ITSN1: variants seen among roughly 807,000 people sequenced by gnomAD.
ITSN1 encodes intersectin-1.
ITSN1 carries 58 observed loss-of-function variants against 239.8 expected under a neutral mutation model. That is an observed-to-expected ratio of 0.24 (90% CI 0.20 to 0.30). The LOEUF is 0.30. Ranked by LOEUF, ITSN1 falls within the 10% of genes least tolerant of loss-of-function variation. ITSN1 has a pLI of 1.00. For synonymous variants in ITSN1, 780 were observed against 770.8 expected (o/e 1.01, Z -0.20); for missense variants, 1,558 against 2,103.3 (o/e 0.74, Z 5.07).
chr21:33,729,582 C>T (rs1297089284), intron 4 of ITSN1, among the ~76,000 whole-genome samples: 2 of 151,992 alleles, frequency 1.3e-5, no homozygotes, highest in Non-Finnish European at 2.9e-5. Context: ...AGGAAATAAG[C>T]ACAGAATCAC....
intron 1 of ITSN1, among the ~76,000 whole-genome samples, chr21:33,650,285 CT>C (rs2088392173): frequency 6.6e-6 from 1 of 152,130 alleles, no homozygotes; most frequent in Non-Finnish European, 1.5e-5. Flanking sequence ...GGTCAGCTGG[CT>C]TTTAGTGTCA....
At chr21:33,867,539 G>A (rs1417424681) in intron 33 of ITSN1, among the ~76,000 whole-genome samples, 1 of 151,814 alleles carries the variant, frequency 6.6e-6, no homozygotes, top group African/African-American at 2.4e-5. Flanking sequence ...GGTGGCCCGC[G>A]CCTGTAATCC....
At chr21:33,663,166 T>C (rs2089685765) in intron 1 of ITSN1, among the ~76,000 whole-genome samples, 1 of 152,226 alleles carries the variant, frequency 6.6e-6, no homozygotes, top group Non-Finnish European at 1.5e-5. Context: ...GTCTCATAAC[T>C]CTTCAGGCAG....
intron 5 of ITSN1, among the ~76,000 whole-genome samples, chr21:33,745,983 G>A (rs533271688): frequency 6.6e-6 from 1 of 152,330 alleles, no homozygotes; most frequent in East Asian, 1.9e-4. Context: ...TGTGCTGACA[G>A]ATTGTCAGAG....
At chr21:33,839,041 T>C (rs73201703) in intron 29 of ITSN1, among the ~76,000 whole-genome samples, 9,750 of 152,278 alleles carry the variant, frequency 0.064, 429 homozygotes, top group Non-Finnish European at 0.079. Context: ...GCTTCACTTA[T>C]TGGACCTCTC....
chr21:33,727,893 T>C (rs1243331942), intron 4 of ITSN1, among the ~76,000 whole-genome samples: 2 of 151,890 alleles, frequency 1.3e-5, no homozygotes, highest in Non-Finnish European at 2.9e-5. Flanking sequence ...CTGGGCCCAC[T>C]GTTCGAGCAT....
chr21:33,850,385 T>A (rs1325449405), intron 29 of ITSN1, among the ~76,000 whole-genome samples: 2 of 152,148 alleles, frequency 1.3e-5, no homozygotes, highest in Non-Finnish European at 2.9e-5. Context: ...TTTGGGGGCA[T>A]TCCTTCCCCT....
intron 29 of ITSN1, among the ~76,000 whole-genome samples, chr21:33,843,479 C>G (rs1037796995): frequency 6.6e-6 from 1 of 152,228 alleles, no homozygotes. Flanking sequence ...TTAAGACACC[C>G]TCAGTCTGAG....
chr21:33,866,405 G>A (rs1336147927), intron 32 of ITSN1, among the ~76,000 whole-genome samples: 2 of 152,024 alleles, frequency 1.3e-5, no homozygotes, highest in African/African-American at 2.4e-5. Context: ...TCCTAGGCCC[G>A]AGCAAGATGA....
chr21:33,804,742 A>G (rs886828931), intron 20 of ITSN1, among the ~76,000 whole-genome samples: 1 of 152,246 alleles, frequency 6.6e-6, no homozygotes, highest in African/African-American at 2.4e-5. Flanking sequence ...TCTTGAGAAC[A>G]CAGGCTGAGT....
At position 33,844,644 on chromosome 21, in the gene ITSN1, C is replaced by T. The variant is rs145921639; in HGVS notation, c.3661+8012C>T. Among the ~76,000 whole-genome samples, 60 of 152,152 alleles carry T rather than the reference C, an allele frequency of 3.9e-4. 1 individual carries two copies. The East Asian group carries it at 0.011, about 28-fold the overall frequency. On this transcript the variant is annotated intron_variant, in intron 29 of 39. Transcript: ENST00000381318. ...TTCCCTCCCTGCCCACTGTGTGCAC[C>T]CCCAAGATGCCTCTCAATATCCAGA...
chr21:33,847,799 A>C (rs1317675498), intron 29 of ITSN1, among the ~76,000 whole-genome samples: 2 of 152,178 alleles, frequency 1.3e-5, no homozygotes, highest in Non-Finnish European at 2.9e-5. Flanking sequence ...TGGACGGATC[A>C]GTTTCCAAAT....
At chr21:33,710,302 C>T (rs556130720) in intron 1 of ITSN1, among the ~76,000 whole-genome samples, 1 of 151,668 alleles carries the variant, frequency 6.6e-6, no homozygotes, top group South Asian at 2.1e-4. Flanking sequence ...ATGGTCTCGA[C>T]CTCCTGACCT....
chr21:33,819,422 A>G (rs2073505999), intron 24 of ITSN1, 99 bp downstream of exon 24: 1 of 803,996 alleles, frequency 1.2e-6, no homozygotes, highest in African/African-American at 1.7e-5. Flanking sequence ...GACTGCATTT[A>G]TGATCAGTAT....
At chr21:33,861,299 G>A (rs2148490264) in intron 31 of ITSN1, among the ~76,000 whole-genome samples, 1 of 152,140 alleles carries the variant, frequency 6.6e-6, no homozygotes, top group Middle Eastern at 3.4e-3. Flanking sequence ...AGAGAGGGAG[G>A]CATTTGAGGA....
intron 1 of ITSN1, among the ~76,000 whole-genome samples, chr21:33,688,440 G>C (rs778050679): frequency 6.6e-6 from 1 of 152,198 alleles, no homozygotes; most frequent in African/African-American, 2.4e-5. Flanking sequence ...AGGTGGAAGG[G>C]TGATCACAGA....
chr21:33,748,103 A>G (rs186066852), intron 5 of ITSN1, among the ~76,000 whole-genome samples: 10 of 152,350 alleles, frequency 6.6e-5, no homozygotes, highest in East Asian at 5.8e-4. Flanking sequence ...TAAAGTTTCT[A>G]TATTCTGCCA....
At chr21:33,879,771 A>T (rs996674152) in intron 34 of ITSN1, among the ~76,000 whole-genome samples, 3 of 151,974 alleles carry the variant, frequency 2.0e-5, no homozygotes, top group Non-Finnish European at 4.4e-5. Context: ...CCTCCACCTC[A>T]TGGGTTCAAG....
chr21:33,885,133 G>A lies in ITSN1; in HGVS notation c.4759+10G>A, dbSNP rs765125705. 1.9e-6 allele frequency: 3 copies of A among 1,609,882 alleles called. No individual in the cohort carries two copies. The highest frequency in any genetic ancestry group is 2.2e-5 in the South Asian group (2 of 90,914). The stretch of plus-strand genomic sequence containing the variant: ...GAGAAAGCGTACCTGGGTAATGCAT[G>A]GCCCCGCGGGGTGTCCTGCACAGCT... On this transcript the variant is annotated intron_variant, in intron 37 of 39. Coordinates refer to ENST00000381318, the MANE Select transcript of ITSN1 (RefSeq NM_003024.3).
Sources: gnomAD v4.1 joint callset for allele counts (sites outside exome capture counted in the v4.1 genomes callset) on GRCh38, gnomAD v4.1.1 for gene constraint, MANE v1.5 for transcripts, NCBI Gene and HGNC (gene_info 2026-07-23, HGNC 2026-07-21) for gene names.